TBC1D32: variants seen among roughly 807,000 people sequenced by gnomAD.
TBC1D32 encodes TBC1 domain family member 32, also known as protein broad-minded.
In TBC1D32, 151 loss-of-function variants were observed where a neutral mutation model predicts 170.3. The observed-to-expected ratio is 0.89, with a 90% CI of 0.78 to 1.01. TBC1D32 has a LOEUF of 1.01. Ranked by LOEUF, TBC1D32 falls within the 50% of genes least tolerant of loss-of-function variation. The probability of loss-of-function intolerance (pLI) is 0.00; values close to 1 mark genes in which losing one functional copy is unlikely to be tolerated. For missense variants in TBC1D32, 1,464 were observed against 1,457.1 expected (o/e 1.00, Z -0.08); for synonymous variants, 498 against 488.0 (o/e 1.02, Z -0.27).
At chr6:121,209,482 T>C (rs1402483949) in intron 21 of TBC1D32, among the ~76,000 whole-genome samples, 1 of 152,208 alleles carries the variant, frequency 6.6e-6, no homozygotes, top group East Asian at 1.9e-4. Flanking sequence ...ACTTGCCTGC[T>C]TTCCCCCTTT....
intron 17 of TBC1D32, among the ~76,000 whole-genome samples, chr6:121,243,588 C>T (rs142656117): frequency 7.8e-4 from 118 of 152,052 alleles, no homozygotes; most frequent in African/African-American, 2.6e-3. Context: ...AACACACACA[C>T]ACACAAACAC....
chr6:121,171,265 G>A (rs1786943911), intron 22 of TBC1D32, among the ~76,000 whole-genome samples: 1 of 147,588 alleles, frequency 6.8e-6, no homozygotes, highest in African/African-American at 2.5e-5. Context: ...TATATTATTT[G>A]TTCAGAAAAC....
chr6:121,082,222 T>C (rs1422693618), intron 31 of TBC1D32, among the ~76,000 whole-genome samples: 1 of 152,026 alleles, frequency 6.6e-6, no homozygotes, highest in East Asian at 1.9e-4. Context: ...ATTTTATGTA[T>C]AAGTAACTGA....
chr6:121,325,413 T>C (rs1232747084), intron 1 of TBC1D32, among the ~76,000 whole-genome samples: 1 of 152,030 alleles, frequency 6.6e-6, no homozygotes, highest in African/African-American at 2.4e-5. Context: ...ATGGTACTAG[T>C]ACCAAAACAG....
intron 31 of TBC1D32, among the ~76,000 whole-genome samples, chr6:121,090,369 T>C (rs1776679629): frequency 6.6e-6 from 1 of 152,252 alleles, no homozygotes; most frequent in South Asian, 2.1e-4. Flanking sequence ...AAAGTAACTA[T>C]ATCTTTTTTA....
In TBC1D32 at chr6:121,126,383, T is replaced by G. The variant is rs759423143; in HGVS notation, c.2978A>C (p.Tyr993Ser). The G allele has an allele frequency of 1.1e-5, 18 of 1,610,220 alleles. No individual in the cohort carries two copies. Among genetic ancestry groups the G allele is most frequent in the Middle Eastern group, 1.7e-4 (1 of 6,058 alleles). ...PSECYFPSVE[Y>S]TATDANVKNE... is the part of the protein sequence containing the mutation. Reference sequence around the variant, plus strand: ...TCACAATGTTTAAAATGTACCTGTATACTCCACTGAAGGGAAGTAGCATTC... The same window carrying G: ...TCACAATGTTTAAAATGTACCTGTAGACTCCACTGAAGGGAAGTAGCATTC... The change falls in exon 26 of 32, where the codon TAT (tyrosine) becomes TCT (serine). Residue 993 changes from tyrosine to serine, a missense_variant. Transcript: ENST00000398212.
At chr6:121,116,597 C>T (rs561378568) in intron 26 of TBC1D32, among the ~76,000 whole-genome samples, 1 of 152,220 alleles carries the variant, frequency 6.6e-6, no homozygotes, top group Non-Finnish European at 1.5e-5. Context: ...GATGAGTGTG[C>T]AGTGGGTGGA....
At chr6:121,144,672 T>C (rs1435564184) in intron 24 of TBC1D32, among the ~76,000 whole-genome samples, 2 of 152,120 alleles carry the variant, frequency 1.3e-5, no homozygotes, top group African/African-American at 4.8e-5. Flanking sequence ...GTAGACAGTT[T>C]AATACATGAG....
chr6:121,293,993 T>C (rs1209553395), intron 11 of TBC1D32, among the ~76,000 whole-genome samples: 1 of 151,516 alleles, frequency 6.6e-6, no homozygotes, highest in East Asian at 1.9e-4. Context: ...GATGGGGCAG[T>C]AGGAGTAAAA....
chr6:121,256,348 C>A, intron 15 of TBC1D32, 63 bp from the exon 16 acceptor site: 1 of 1,408,094 alleles, frequency 7.1e-7, no homozygotes, highest in Non-Finnish European at 9.7e-7. Flanking sequence ...TAAAGCTCTA[C>A]CAAAAAGGCT....
intron 3 of TBC1D32, among the ~76,000 whole-genome samples, chr6:121,312,456 A>G (rs1563359700): frequency 6.6e-6 from 1 of 152,190 alleles, no homozygotes; most frequent in East Asian, 1.9e-4. Context: ...TAGTATAATC[A>G]TAGTTCAATG....
In TBC1D32 at chr6:121,256,731, C is replaced by T. The variant is rs974804422; in HGVS notation, c.1734-446G>A. Among the ~76,000 whole-genome samples, 5 of 150,882 alleles carry T rather than the reference C, an allele frequency of 3.3e-5. No homozygotes were observed. In the South Asian group the frequency reaches 1.0e-3, roughly 32 times the overall value. ...GTCCTCTGTCAACCAGACTGGAGTGCAATGGCGCGGTCTTGGCTCACTCTG... is the reference window on the plus strand; with the variant it reads ...GTCCTCTGTCAACCAGACTGGAGTGTAATGGCGCGGTCTTGGCTCACTCTG... On this transcript the variant is annotated intron_variant, in intron 15 of 31. Coordinates refer to ENST00000398212, the MANE Select transcript of TBC1D32 (RefSeq NM_152730.6).
chr6:121,295,086 GCTAAAAA>G (rs1251209363), intron 10 of TBC1D32, among the ~76,000 whole-genome samples: 3 of 151,232 alleles, frequency 2.0e-5, no homozygotes, highest in Non-Finnish European at 4.4e-5. Flanking sequence ...TACCAGAAAT[GCTAAAAA>G]CTGATAAAAG....
At chr6:121,296,432 C>A (rs1805655637) in intron 10 of TBC1D32, among the ~76,000 whole-genome samples, 1 of 152,032 alleles carries the variant, frequency 6.6e-6, no homozygotes, top group Admixed American at 6.6e-5. Context: ...TCCTAGAAAT[C>A]TGCATTTCAA....
chr6:121,248,277 G>C (rs1797880178), intron 17 of TBC1D32, among the ~76,000 whole-genome samples: 1 of 151,910 alleles, frequency 6.6e-6, no homozygotes. Flanking sequence ...AATGATAATA[G>C]TGACACAACT....
intron 1 of TBC1D32, among the ~76,000 whole-genome samples, chr6:121,327,966 C>A (rs1460425684): frequency 6.6e-6 from 1 of 152,112 alleles, no homozygotes; most frequent in African/African-American, 2.4e-5. Context: ...TCAAGAAACA[C>A]AAAAGCTCTC....
At chr6:121,143,622 C>A (rs1386707778) in intron 24 of TBC1D32, among the ~76,000 whole-genome samples, 1 of 152,148 alleles carries the variant, frequency 6.6e-6, no homozygotes, top group African/African-American at 2.4e-5. Context: ...TAACACCTTA[C>A]AAAATCTGTG....
chr6:121,290,722 T>C (rs1804702541), intron 12 of TBC1D32, among the ~76,000 whole-genome samples: 1 of 151,854 alleles, frequency 6.6e-6, no homozygotes, highest in African/African-American at 2.4e-5. Context: ...GCGGCACTAT[T>C]CACAATAGCA....
intron 11 of TBC1D32, among the ~76,000 whole-genome samples, chr6:121,292,664 C>A (rs942981725): frequency 6.6e-6 from 1 of 152,148 alleles, no homozygotes; most frequent in South Asian, 2.1e-4. Flanking sequence ...TATATATACA[C>A]AGAAGATAAC....
Sources: allele counts gnomAD v4.1 joint callset (sites outside exome capture counted in the v4.1 genomes callset), GRCh38; gene constraint gnomAD v4.1.1; transcripts MANE v1.5; gene names NCBI Gene and HGNC (gene_info 2026-07-23, HGNC 2026-07-21).